The following CDC42SE2 variants were observed in gnomAD, a reference collection of about 807,000 sequenced individuals.
The protein encoded by CDC42SE2 is CDC42 small effector protein 2.
A neutral mutation model predicts 11.5 loss-of-function variants in CDC42SE2; 3 were observed. The ratio of observed to expected loss-of-function variants is 0.26; its 90% CI spans 0.12 to 0.67. The LOEUF is 0.67. Ranked by LOEUF, CDC42SE2 falls within the 30% of genes least tolerant of loss-of-function variation. The pLI is 0.80. For missense variants in CDC42SE2, 82 were observed against 106.8 expected (o/e 0.77, Z 1.02); for synonymous variants, 33 against 34.8 (o/e 0.95, Z 0.18).
intron 2 of CDC42SE2, among the ~76,000 whole-genome samples, chr5:131,336,601 G>A (rs1411969760): frequency 6.6e-6 from 1 of 152,142 alleles, no homozygotes; most frequent in Non-Finnish European, 1.5e-5. Flanking sequence ...GTCACTTTCA[G>A]GTACACCATT....
chr5:131,289,672 C>CAA (rs777148248), intron 1 of CDC42SE2, among the ~76,000 whole-genome samples: 3 of 105,650 alleles, frequency 2.8e-5, no homozygotes, highest in Admixed American at 1.0e-4. Context: ...GACTCTGTCT[C>CAA]AAAAAAAAAA....
At chr5:131,262,337 A>T (rs1463430900), upstream of CDC42SE2, among the ~76,000 whole-genome samples, 2 of 152,214 alleles carry the variant, frequency 1.3e-5, no homozygotes, top group Non-Finnish European at 2.9e-5. Flanking sequence ...AGTAACTGGA[A>T]AATCAAAATG....
chr5:131,319,367 A>C (rs1365087720), intron 2 of CDC42SE2, among the ~76,000 whole-genome samples: 1 of 152,098 alleles, frequency 6.6e-6, no homozygotes, highest in Non-Finnish European at 1.5e-5. Context: ...AGTAGTTTGG[A>C]GTATAGTTTC....
At chr5:131,241,800 C>T (rs575669966), upstream of CDC42SE2, among the ~76,000 whole-genome samples, 7 of 152,186 alleles carry the variant, frequency 4.6e-5, no homozygotes, top group Non-Finnish European at 8.8e-5. Context: ...TGAAGTCTAC[C>T]TTGACCACCA....
chr5:131,212,509 C>T, the CDC42SE2 span, among the ~76,000 whole-genome samples: 1 of 152,142 alleles, frequency 6.6e-6, no homozygotes, highest in Non-Finnish European at 1.5e-5. Context: ...TCTCATTCCC[C>T]TTTCATGGCA....
chr5:131,315,713 C>T (rs1262418357), intron 1 of CDC42SE2, among the ~76,000 whole-genome samples: 1 of 152,144 alleles, frequency 6.6e-6, no homozygotes, highest in Non-Finnish European at 1.5e-5. Flanking sequence ...GTGGGTCCAC[C>T]AAAGGTATCT....
chr5:131,378,909 A>G (rs1158491768), intron 3 of CDC42SE2, among the ~76,000 whole-genome samples: 2 of 152,218 alleles, frequency 1.3e-5, no homozygotes, highest in Non-Finnish European at 2.9e-5. Context: ...GTTACAAATT[A>G]TCTGAAGCTG....
chr5:131,273,183 T>G (rs1239120421), intron 1 of CDC42SE2, among the ~76,000 whole-genome samples: 1 of 147,484 alleles, frequency 6.8e-6, no homozygotes, highest in Non-Finnish European at 1.5e-5. Context: ...TGAGATAGAG[T>G]CTTGCTCTGT....
At chr5:131,241,866 CCT>C (rs2149680807), upstream of CDC42SE2, among the ~76,000 whole-genome samples, 1 of 56,848 alleles carries the variant, frequency 1.8e-5, no homozygotes, top group East Asian at 2.6e-4. Context: ...CTGCCTTTTT[CCT>C]CTTTCTTTAA....
At chr5:131,365,915 G>C (rs1272112148) in intron 3 of CDC42SE2, among the ~76,000 whole-genome samples, 1 of 152,154 alleles carries the variant, frequency 6.6e-6, no homozygotes, top group Non-Finnish European at 1.5e-5. Context: ...CCGGGAAGCG[G>C]AGCTTGCAGT....
intron 1 of CDC42SE2, among the ~76,000 whole-genome samples, chr5:131,299,904 G>A (rs142005754): frequency 5.9e-5 from 9 of 152,254 alleles, no homozygotes; most frequent in African/African-American, 1.9e-4. Flanking sequence ...AGGGAATCAG[G>A]GCTGTTCTGA....
At chr5:131,276,135 T>A (rs1320236132) in intron 1 of CDC42SE2, among the ~76,000 whole-genome samples, 1 of 151,626 alleles carries the variant, frequency 6.6e-6, no homozygotes, top group Non-Finnish European at 1.5e-5. Context: ...TAGATCTCAT[T>A]TGCTGTTGGT....
chr5:131,342,383 A>G (rs1357293422), intron 2 of CDC42SE2, among the ~76,000 whole-genome samples: 1 of 126,904 alleles, frequency 7.9e-6, no homozygotes, highest in Non-Finnish European at 1.5e-5. Context: ...GCCATTTTTA[A>G]TAGTCTTTTT....
At chr5:131,218,182 A>G in the CDC42SE2 span, among the ~76,000 whole-genome samples, 1 of 151,788 alleles carries the variant, frequency 6.6e-6, no homozygotes, top group Non-Finnish European at 1.5e-5. Flanking sequence ...CTCAAAAAAA[A>G]AAAAAAAAAA....
At chr5:131,261,173 A>G (rs1334329615), upstream of CDC42SE2, 11 of 152,250 alleles carry the variant, frequency 7.2e-5, no homozygotes, top group Non-Finnish European at 1.6e-4. Context: ...CTTCTGGACT[A>G]TAATAGTTGC....
At chr5:131,302,877 C>T (rs114829589) in intron 1 of CDC42SE2, among the ~76,000 whole-genome samples, 43 of 149,184 alleles carry the variant, frequency 2.9e-4, no homozygotes, top group African/African-American at 9.9e-4. Flanking sequence ...TTAGAAATAG[C>T]TTCTTTCCCC....
intron 2 of CDC42SE2, among the ~76,000 whole-genome samples, chr5:131,351,448 G>C (rs1484128027): frequency 1.3e-5 from 2 of 152,086 alleles, no homozygotes; most frequent in African/African-American, 2.4e-5. Context: ...CAGAGACGGG[G>C]TTTCACCATG....
intron 1 of CDC42SE2, among the ~76,000 whole-genome samples, chr5:131,272,957 T>G (rs1457303757): frequency 2.0e-5 from 3 of 152,148 alleles, no homozygotes; most frequent in South Asian, 4.1e-4. Context: ...AAATCTTCCC[T>G]TTGTTTCTGG....
the CDC42SE2 span, among the ~76,000 whole-genome samples, chr5:131,233,880 G>T: frequency 6.2e-4 from 95 of 152,088 alleles, no homozygotes; most frequent in South Asian, 2.9e-3. Flanking sequence ...TTTATTGGTG[G>T]ATGTTGATAC....
Sources: gnomAD v4.1 joint callset for allele counts (sites outside exome capture counted in the v4.1 genomes callset) on GRCh38, gnomAD v4.1.1 for gene constraint, MANE v1.5 for transcripts, NCBI Gene and HGNC (gene_info 2026-07-23, HGNC 2026-07-21) for gene names.